The following HDHD2 variants were observed in gnomAD, a reference collection of about 807,000 sequenced individuals.
HDHD2 encodes the protein haloacid dehalogenase-like hydrolase domain-containing protein 2.
A neutral mutation model predicts 24.8 loss-of-function variants in HDHD2; 26 were observed. The ratio of observed to expected loss-of-function variants is 1.05; its 90% CI spans 0.77 to 1.45. HDHD2 has a LOEUF of 1.45. HDHD2 is among the 40% of genes most tolerant of loss of function. The pLI, the probability that HDHD2 is intolerant of heterozygous loss-of-function variation, is 0.00. For missense variants in HDHD2, 299 were observed against 313.4 expected, an observed-to-expected ratio of 0.95 and a Z score of 0.35; for synonymous variants, 128 against 114.9, an observed-to-expected ratio of 1.11 and a Z score of -0.73.
intron 6 of HDHD2, chr18:47,111,155 G>T: frequency 1.0e-6 from 1 of 985,186 alleles, no homozygotes; most frequent in Non-Finnish European, 1.2e-6. Context: ...GCTGTACTTA[G>T]TTGATTTACT....
At chr18:47,131,812 GT>G (rs2144343895) in intron 3 of HDHD2, among the ~76,000 whole-genome samples, 1 of 152,162 alleles carries the variant, frequency 6.6e-6, no homozygotes, top group African/African-American at 2.4e-5. Context: ...TCTCTTTGTA[GT>G]TCTTTTGTCC....
intron 6 of HDHD2, chr18:47,110,136 A>G: frequency 2.0e-6 from 2 of 985,416 alleles, no homozygotes; most frequent in Non-Finnish European, 2.4e-6. Context: ...TTTCAACAAG[A>G]GACCTACTGT....
At chr18:47,111,324 G>A (rs2063514220) in intron 6 of HDHD2, 1 of 982,064 alleles carries the variant, frequency 1.0e-6, no homozygotes, top group East Asian at 1.2e-4. Context: ...CACTGACAGA[G>A]GTACCATTTT....
At chr18:47,147,993 T>TC (rs1233342042) in intron 1 of HDHD2, among the ~76,000 whole-genome samples, 1 of 146,074 alleles carries the variant, frequency 6.8e-6, no homozygotes. Context: ...TTTCTTTCTT[T>TC]TTTTTTTTTT....
chr18:47,139,125 T>C (rs2063795454), intron 1 of HDHD2, among the ~76,000 whole-genome samples: 1 of 152,078 alleles, frequency 6.6e-6, no homozygotes, highest in Non-Finnish European at 1.5e-5. Context: ...CCTTGCCCTA[T>C]GTATCTCTTC....
rs547954041 is a variant in HDHD2 at position 47,108,565 on chromosome 18, G to A, written c.*117C>T. The A allele has an allele frequency of 1.8e-6, 1 of 545,128 alleles. No individual in the cohort carries two copies. The highest frequency in any genetic ancestry group is 3.6e-5 in the Admixed American group (1 of 28,056). 33.8% of individuals were successfully genotyped at this position (545,128 alleles called of 1,614,324 possible). ...TTCTAATTAATGCACAACAAAAGAGGGTTAAAAAGCGATCAGCACTGACTG... is the reference window on the plus strand; with the variant it reads ...TTCTAATTAATGCACAACAAAAGAGAGTTAAAAAGCGATCAGCACTGACTG... On this transcript the variant is annotated 3_prime_UTR_variant, in exon 7 of 7. Transcript: ENST00000300605.
intron 4 of HDHD2, among the ~76,000 whole-genome samples, chr18:47,125,648 A>G (rs1477108837): frequency 3.3e-5 from 5 of 152,272 alleles, no homozygotes; most frequent in South Asian, 2.1e-4. Flanking sequence ...AAAAAATGCT[A>G]TAATTCTATG....
chr18:47,140,239 G>T (rs1904803876), intron 1 of HDHD2, among the ~76,000 whole-genome samples: 1 of 152,120 alleles, frequency 6.6e-6, no homozygotes, highest in South Asian at 2.1e-4. Context: ...CACCTTTTGG[G>T]ATTCTGACTA....
intron 1 of HDHD2, among the ~76,000 whole-genome samples, chr18:47,145,538 A>G (rs2063860839): frequency 6.6e-6 from 1 of 152,212 alleles, no homozygotes; most frequent in African/African-American, 2.4e-5. Flanking sequence ...AAAATGATCA[A>G]TAATATGGTG....
intron 3 of HDHD2, among the ~76,000 whole-genome samples, chr18:47,133,444 C>A (rs2063733003): frequency 6.8e-6 from 1 of 148,148 alleles, no homozygotes; most frequent in African/African-American, 2.5e-5. Context: ...TGAATAGTGC[C>A]ACAGTAAACA....
At chr18:47,111,226 C>T in intron 6 of HDHD2, 1 of 985,200 alleles carries the variant, frequency 1.0e-6, no homozygotes. Context: ...TAAACTGATG[C>T]CTGTGAAAGG....
Position 47,134,688 on chromosome 18 carries a change from C to A in HDHD2, c.118G>T (p.Val40Leu), listed in dbSNP as rs760189044. The A allele has an allele frequency of 1.2e-6, 2 of 1,614,070 alleles. No individual in the cohort carries two copies. Among genetic ancestry groups the A allele is most frequent in the South Asian group, 2.2e-5 (2 of 91,062 alleles). The change falls in exon 3 of 7, where the codon GTA becomes TTA. Residue 40 changes from valine (V) to leucine (L), a missense_variant. By Grantham distance (32) the Val-to-Leu change is conservative. Coordinates refer to ENST00000300605, the MANE Select transcript of HDHD2 (RefSeq NM_032124.5). The part of the protein sequence containing the change: ...EALKRLRGAS[V>L]IIRFVTNTTK... The stretch of plus-strand genomic sequence containing the variant: ...GTATTGGTCACAAACCTAATGATTA[C>A]AGAAGCACCACGTAACCTGGAGAGG...
chr18:47,136,587 G>A (rs2063768409), intron 1 of HDHD2, 138 bp from the exon 2 acceptor site: 1 of 609,004 alleles, frequency 1.6e-6, no homozygotes, highest in Non-Finnish European at 2.5e-6. Context: ...GGAGAAAACT[G>A]GTTTTAAAAA....
intron 5 of HDHD2, 43 bp downstream of exon 5, chr18:47,115,089 A>G (rs751865783): frequency 2.1e-6 from 3 of 1,447,908 alleles, no homozygotes; most frequent in Non-Finnish European, 2.9e-6. Flanking sequence ...CTTTCCCAGC[A>G]CAACAGGTGA....
chr18:47,108,632 C>A lies in HDHD2; in HGVS notation c.*50G>T. ...GCACTGAGTTGGTAAGGGATTCATT[C>A]CAGACAATAAGAAGCTGCATTTCAA... On this transcript the variant is annotated 3_prime_UTR_variant, in exon 7 of 7. Coordinates refer to ENST00000300605, the MANE Select transcript of HDHD2 (RefSeq NM_032124.5). 1 of 1,001,674 alleles carries A rather than the reference C, an allele frequency of 1.0e-6. No homozygotes were observed. Among genetic ancestry groups the A allele is most frequent in the South Asian group, 1.4e-5 (1 of 70,656 alleles). 62.0% of individuals were successfully genotyped at this position (1,001,674 alleles called of 1,614,324 possible). A position where few individuals can be genotyped will look rare whatever the true frequency, so the allele number is the denominator to read the frequency against.
chr18:47,140,671 A>G (rs1216739249), intron 1 of HDHD2, among the ~76,000 whole-genome samples: 3 of 152,014 alleles, frequency 2.0e-5, no homozygotes, highest in African/African-American at 7.3e-5. Context: ...GGTGTGCACC[A>G]CCACGCCTGG....
chr18:47,130,458 C>T (rs930890874), intron 3 of HDHD2, 130 bp from the exon 4 acceptor site: 5 of 616,958 alleles, frequency 8.1e-6, no homozygotes, highest in African/African-American at 7.4e-5. Flanking sequence ...ATAGATTATC[C>T]TGCCCAGTGT....
At chr18:47,137,019 T>A in intron 1 of HDHD2, 1 of 677,712 alleles carries the variant, frequency 1.5e-6, no homozygotes, top group South Asian at 1.5e-5. Flanking sequence ...GCAGTCACCA[T>A]GGCCAACAAA....
rs552376755 is a variant in HDHD2, at chr18:47,111,511, G to A, written c.676+1466C>T. 5 of 985,260 alleles carry A rather than the reference G, an allele frequency of 5.1e-6. No homozygotes were observed. The East Asian group carries it at 5.7e-4, about 112-fold the overall frequency. 61.0% of individuals were successfully genotyped at this position (985,260 alleles called of 1,614,324 possible). A position where few individuals can be genotyped will look rare whatever the true frequency, so the allele number is the denominator to read the frequency against. On this transcript the variant is annotated intron_variant, in intron 6 of 6. Transcript: ENST00000300605. ...GAATCTGAAAACAAAGATACATGGA[G>A]GCTGACGAGTGTGGCTACTTTTCCA...
Sources: gnomAD v4.1 joint callset for allele counts (sites outside exome capture counted in the v4.1 genomes callset) on GRCh38, gnomAD v4.1.1 for gene constraint, MANE v1.5 for transcripts, NCBI Gene and HGNC (gene_info 2026-07-23, HGNC 2026-07-21) for gene names.